WWC1: variants seen among roughly 807,000 people sequenced by gnomAD.
WWC1 encodes the protein WW and C2 domain containing 1.
A neutral mutation model predicts 138.4 loss-of-function variants in WWC1; 55 were observed. That is an observed-to-expected ratio of 0.40 (90% CI 0.32 to 0.50). The LOEUF (loss-of-function observed/expected upper bound fraction) is 0.50, where lower values mean the gene tolerates loss of function less well. WWC1 is among the 20% of genes least tolerant of loss of function. The pLI, the probability that WWC1 is intolerant of heterozygous loss-of-function variation, is 0.72. For synonymous variants in WWC1, 524 were observed against 564.9 expected (o/e 0.93, Z 1.03); for missense variants, 1,226 against 1,420.4 (o/e 0.86, Z 2.20).
At chr5:168,440,872 C>T (rs1459128448) in intron 15 of WWC1, among the ~76,000 whole-genome samples, 1 of 152,152 alleles carries the variant, frequency 6.6e-6, no homozygotes, top group Non-Finnish European at 1.5e-5. Flanking sequence ...CAACACTGCT[C>T]ACAATAGTGA....
chr5:168,323,216 T>A (rs1772261453), intron 1 of WWC1, among the ~76,000 whole-genome samples: 3 of 151,780 alleles, frequency 2.0e-5, no homozygotes, highest in South Asian at 2.1e-4. Flanking sequence ...TAAAAAAAAA[T>A]AAAGACTAGT....
chr5:168,467,027 C>T (rs182238242), intron 21 of WWC1, among the ~76,000 whole-genome samples: 2 of 152,094 alleles, frequency 1.3e-5, no homozygotes, highest in Non-Finnish European at 2.9e-5. Flanking sequence ...TTTGGGAGGC[C>T]GAGGCGGGCA....
Position 168,292,054 on chromosome 5 carries a change from G to T in WWC1, c.-99G>T. 7.3e-7 allele frequency: 1 copy of T among 1,360,928 alleles called. No individual in the cohort carries two copies. 84.3% of individuals were successfully genotyped at this position (1,360,928 alleles called of 1,614,324 possible). On this transcript the variant is annotated 5_prime_UTR_variant, in exon 1 of 23. Coordinates refer to ENST00000265293, the MANE Select transcript of WWC1 (RefSeq NM_015238.3). The surrounding 1 kb of genome is among the most constrained non-coding windows in gnomAD (Gnocchi z 4.4). ...CGGGCGCCACCCCCCGGATCATGGT[G>T]CCTCGGCGGCCGCCCGGGCTAAGAG...
In WWC1 at chr5:168,408,548, G is replaced by A. The variant is rs746340250; in HGVS notation, c.762G>A (p.Gly254=). ...AGGACGGCTTCCGCACTGACAGGGG[G>A]TCTCACTCAGACCTGTGGTCCAGCA... The part of the protein sequence containing the change: ...MLKDGFRTDR[G]SHSDLWSSSS... The change falls in exon 7 of 23, where the codon GGG becomes GGA. Residue 254 remains glycine (G), a synonymous_variant. Transcript: ENST00000265293. 8 of 1,614,200 alleles carry A rather than the reference G, an allele frequency of 5.0e-6. No individual in the cohort carries two copies. Among genetic ancestry groups the A allele is most frequent in the African/African-American group, 2.7e-5 (2 of 75,056 alleles).
At chr5:168,417,101 A>G (rs1780715998) in intron 9 of WWC1, among the ~76,000 whole-genome samples, 1 of 152,166 alleles carries the variant, frequency 6.6e-6, no homozygotes, top group African/African-American at 2.4e-5. Context: ...TCCTGACCTC[A>G]GGTGATCCAC....
Position 168,469,003 on chromosome 5 carries a change from G to T in WWC1, c.3328G>T (p.Ala1110Ser), listed in dbSNP as rs1176331981. ...TCGGATGAATATCCCAGCTCTCTCT[G>T]CAGATGACGTCTAATCGCCAGAAAA... is the stretch of plus-strand genomic sequence containing the variant. ...RPRMNIPALSADDV is the reference protein window; with the variant it reads ...RPRMNIPALSSDDV Residue 1110 changes from alanine (A) to serine (S), a missense_variant, in exon 23 of 23, where the codon GCA (alanine) becomes TCA (serine). By Grantham distance (99) the Ala-to-Ser change is moderately conservative. This residue lies in a region of WWC1 where 206 missense variants were observed against 247.4 expected (regional missense o/e 0.83). Coordinates refer to ENST00000265293, the MANE Select transcript of WWC1 (RefSeq NM_015238.3). The T allele has an allele frequency of 1.9e-6, 3 of 1,614,106 alleles. No individual in the cohort carries two copies. Among genetic ancestry groups the T allele is most frequent in the Non-Finnish European group, 2.5e-6 (3 of 1,180,046 alleles).
At chr5:168,427,238 A>G (rs1164028360) in intron 11 of WWC1, among the ~76,000 whole-genome samples, 1 of 152,184 alleles carries the variant, frequency 6.6e-6, no homozygotes, top group Non-Finnish European at 1.5e-5. Flanking sequence ...TAGGAACAGT[A>G]GTGGCAATAA....
At chr5:168,390,287 C>A (rs1457574803) in intron 3 of WWC1, among the ~76,000 whole-genome samples, 1 of 152,076 alleles carries the variant, frequency 6.6e-6, no homozygotes, top group Non-Finnish European at 1.5e-5. Context: ...ATTATTAGTT[C>A]ATTCGCATTG....
intron 1 of WWC1, among the ~76,000 whole-genome samples, chr5:168,359,924 G>A (rs1317758560): frequency 6.6e-6 from 1 of 152,188 alleles, no homozygotes; most frequent in Non-Finnish European, 1.5e-5. Flanking sequence ...TCAAAGCTTG[G>A]CAATTCTGTA....
At chr5:168,465,023 T>G (rs1582398285) in intron 21 of WWC1, 61 bp downstream of exon 21, 2 of 1,573,286 alleles carry the variant, frequency 1.3e-6, no homozygotes, top group Admixed American at 1.8e-5. Context: ...CGGGGGGCAC[T>G]GCCCCGGGGA....
chr5:168,305,410 C>A (rs926427755), intron 1 of WWC1, among the ~76,000 whole-genome samples: 6 of 152,218 alleles, frequency 3.9e-5, no homozygotes, highest in Non-Finnish European at 7.3e-5. Flanking sequence ...GAAACACCTT[C>A]CCCACCTCCC....
intron 1 of WWC1, among the ~76,000 whole-genome samples, chr5:168,294,308 C>T (rs949432434): frequency 1.1e-4 from 17 of 152,112 alleles, no homozygotes; most frequent in African/African-American, 4.1e-4. Context: ...CTATTGCTTA[C>T]TTACTCCTTG....
At chr5:168,296,485 TC>T (rs1158293177) in intron 1 of WWC1, among the ~76,000 whole-genome samples, 1 of 152,150 alleles carries the variant, frequency 6.6e-6, no homozygotes, top group East Asian at 1.9e-4. Context: ...TCAGAACTCT[TC>T]CTAGAGAAAA....
chr5:168,294,411 T>C (rs1332456995), intron 1 of WWC1, among the ~76,000 whole-genome samples: 1 of 151,894 alleles, frequency 6.6e-6, no homozygotes, highest in Admixed American at 6.6e-5. Flanking sequence ...ACAAAAAAGA[T>C]AGGCAAACAA....
intron 5 of WWC1, among the ~76,000 whole-genome samples, chr5:168,399,877 A>G (rs1480020614): frequency 6.6e-6 from 1 of 152,208 alleles, no homozygotes; most frequent in Non-Finnish European, 1.5e-5. Flanking sequence ...AGTATTGCCC[A>G]GCATTTCTGT....
At chr5:168,316,486 A>G (rs992788150) in intron 1 of WWC1, 4 of 152,432 alleles carry the variant, frequency 2.6e-5, no homozygotes, top group African/African-American at 9.6e-5. Context: ...GGCTTTGGAA[A>G]GGAGAGGCCT....
intron 15 of WWC1, among the ~76,000 whole-genome samples, chr5:168,433,845 C>G (rs1315670716): frequency 9.2e-5 from 14 of 152,212 alleles, no homozygotes; most frequent in Non-Finnish European, 2.9e-5. Flanking sequence ...CCCATTATCT[C>G]TATTGATCCT....
intron 2 of WWC1, among the ~76,000 whole-genome samples, chr5:168,383,464 T>C (rs904157623): frequency 9.9e-5 from 15 of 152,258 alleles, no homozygotes; most frequent in Admixed American, 7.2e-4. Flanking sequence ...TTTATTTCAC[T>C]GGAGATGCTC....
At chr5:168,311,539 C>A (rs1446340968) in intron 1 of WWC1, among the ~76,000 whole-genome samples, 6 of 152,292 alleles carry the variant, frequency 3.9e-5, no homozygotes, top group African/African-American at 1.2e-4. Context: ...TGCTTAATCA[C>A]TTTGAGCCTG....
Sources: allele counts gnomAD v4.1 joint callset (sites outside exome capture counted in the v4.1 genomes callset), GRCh38; gene constraint gnomAD v4.1.1; regional missense constraint gnomAD v4.1.1; non-coding constraint Gnocchi (gnomAD v3.1); transcripts MANE v1.5; gene names NCBI Gene and HGNC (gene_info 2026-07-23, HGNC 2026-07-21).